The following CNTN3 variants were observed in gnomAD, a reference collection of about 807,000 sequenced individuals.
CNTN3 encodes the protein contactin 3, also known as contactin-3.
In CNTN3, 60 loss-of-function variants were observed where a neutral mutation model predicts 119.1. The observed-to-expected ratio is 0.50, with a 90% CI of 0.41 to 0.62. The LOEUF (loss-of-function observed/expected upper bound fraction) is 0.62, where lower values mean the gene tolerates loss of function less well. Ranked by LOEUF, CNTN3 falls within the 20% of genes least tolerant of loss-of-function variation. The pLI, the probability that CNTN3 is intolerant of heterozygous loss-of-function variation, is 0.00. For missense variants in CNTN3, 1,101 were observed against 1,242.4 expected (o/e 0.89, Z 1.71); for synonymous variants, 450 against 438.7 (o/e 1.03, Z -0.32).
chr3:74,436,445 A>T (rs755366036), intron 4 of CNTN3, among the ~76,000 whole-genome samples: 6 of 152,142 alleles, frequency 3.9e-5, no homozygotes, highest in Admixed American at 1.3e-4. Context: ...TGGCACTCTC[A>T]GTTGTCCAGG....
intron 1 of CNTN3, among the ~76,000 whole-genome samples, chr3:74,581,597 T>C (rs1704510619): frequency 6.6e-6 from 1 of 152,310 alleles, no homozygotes; most frequent in African/African-American, 2.4e-5. Context: ...TCCCAATAGG[T>C]CCTTTGAAGA....
At position 74,326,580 on chromosome 3, in the gene CNTN3, A is replaced by G. The variant is rs1318987966; in HGVS notation, c.1668+8155T>C. On this transcript the variant is annotated intron_variant, in intron 13 of 22. Transcript: ENST00000263665. The stretch of plus-strand genomic sequence containing the variant: ...GTAAGAAAGCTATGAATATCCTCCT[A>G]TCTAGCTGTAAGGAAGCTATTATTT... Among the ~76,000 whole-genome samples the G allele has an allele frequency of 3.3e-5, 5 of 152,092 alleles. No individual in the cohort carries two copies. The East Asian group carries it at 9.7e-4, about 29-fold the overall frequency.
rs547711180 is a variant in CNTN3, at chr3:74,366,707, T to C, written c.947-1005A>G. 7.3e-5 allele frequency among the ~76,000 whole-genome samples: 11 copies of C among 150,058 alleles called. No individual in the cohort carries two copies. The East Asian group carries it at 9.8e-4, about 13-fold the overall frequency. Reference sequence around the variant, plus strand: ...AAACTGAAAAGAAACTATGGTTATTTAGCTTTTACAGATAATGTATTCATC... The same window carrying C: ...AAACTGAAAAGAAACTATGGTTATTCAGCTTTTACAGATAATGTATTCATC... On this transcript the variant is annotated intron_variant, in intron 8 of 22. Transcript: ENST00000263665.
chr3:74,417,627 C>T (rs1029617102), intron 5 of CNTN3, among the ~76,000 whole-genome samples: 1 of 152,140 alleles, frequency 6.6e-6, no homozygotes, highest in African/African-American at 2.4e-5. Context: ...TCACAGCTTC[C>T]ACATTCAGGC....
intron 5 of CNTN3, among the ~76,000 whole-genome samples, chr3:74,389,808 T>A (rs981287199): frequency 2.0e-5 from 3 of 152,088 alleles, no homozygotes; most frequent in Non-Finnish European, 4.4e-5. Flanking sequence ...TGTCCCCTTC[T>A]CCTTCCTAAA....
intron 2 of CNTN3, 126 bp from the exon 3 acceptor site, chr3:74,499,911 A>T: frequency 3.5e-6 from 3 of 850,970 alleles, no homozygotes; most frequent in Non-Finnish European, 5.2e-6. Context: ...TACAAAGCAA[A>T]ATGCTCTGTA....
At chr3:74,427,451 CT>C (rs1364016039) in intron 4 of CNTN3, among the ~76,000 whole-genome samples, 1 of 152,078 alleles carries the variant, frequency 6.6e-6, no homozygotes, top group Non-Finnish European at 1.5e-5. Context: ...GACTTTTCTC[CT>C]TTTTTGCAAC....
At chr3:74,380,579 TG>T (rs1704590204) in intron 5 of CNTN3, among the ~76,000 whole-genome samples, 1 of 152,186 alleles carries the variant, frequency 6.6e-6, no homozygotes, top group Non-Finnish European at 1.5e-5. Flanking sequence ...CCTTGCAAAA[TG>T]GAAATTTTCT....
chr3:74,442,453 T>C (rs1701983724), intron 4 of CNTN3, among the ~76,000 whole-genome samples: 1 of 152,196 alleles, frequency 6.6e-6, no homozygotes, highest in South Asian at 2.1e-4. Context: ...CTTCTTCCTC[T>C]GCTTTCCACC....
At chr3:74,566,219 A>G (rs1471115671) in intron 1 of CNTN3, among the ~76,000 whole-genome samples, 3 of 152,112 alleles carry the variant, frequency 2.0e-5, no homozygotes, top group Admixed American at 6.6e-5. Context: ...TATTCACAAC[A>G]TATGAACAAA....
intron 4 of CNTN3, among the ~76,000 whole-genome samples, chr3:74,476,936 A>G (rs1210645930): frequency 6.6e-6 from 1 of 152,132 alleles, no homozygotes; most frequent in Non-Finnish European, 1.5e-5. Context: ...AAGAGATAGA[A>G]TAGATAACGA....
intron 13 of CNTN3, among the ~76,000 whole-genome samples, chr3:74,309,503 CAT>C (rs1197936239): frequency 1.3e-5 from 2 of 152,094 alleles, no homozygotes; most frequent in Admixed American, 1.3e-4. Context: ...TTGCTAAACC[CAT>C]TAGTTCTCAG....
At chr3:74,338,495 CGTGT>C (rs10661320) in intron 11 of CNTN3, among the ~76,000 whole-genome samples, 1 of 149,312 alleles carries the variant, frequency 6.7e-6, no homozygotes. Context: ...TACACACGTG[CGTGT>C]GTGTGTGTAT....
rs150966297 is a variant in CNTN3, at chr3:74,535,357, A to G, written c.-80-14165T>C. On this transcript the variant is annotated intron_variant, in intron 1 of 22. Coordinates refer to ENST00000263665, the MANE Select transcript of CNTN3 (RefSeq NM_020872.3). ...AGCAGCTTGAATTTACACCCACAGTATCAACTTCAGCTGAGGAAAGATGGG... is the reference window on the plus strand; with the variant it reads ...AGCAGCTTGAATTTACACCCACAGTGTCAACTTCAGCTGAGGAAAGATGGG... Among the ~76,000 whole-genome samples the G allele has an allele frequency of 5.2e-3, 794 of 152,238 alleles. 6 individuals are homozygous for G. The highest frequency in any genetic ancestry group is 7.9e-3 in the Non-Finnish European group (540 of 67,992).
intron 3 of CNTN3, among the ~76,000 whole-genome samples, chr3:74,488,335 G>T (rs192372006): frequency 1.3e-5 from 2 of 151,892 alleles, no homozygotes; most frequent in African/African-American, 4.8e-5. Flanking sequence ...GGATGGTCTC[G>T]ATCTCCTGAC....
intron 2 of CNTN3, among the ~76,000 whole-genome samples, chr3:74,516,730 G>C (rs1293470511): frequency 1.3e-5 from 2 of 150,646 alleles, no homozygotes; most frequent in Non-Finnish European, 2.9e-5. Flanking sequence ...GAAAAATCTT[G>C]AGTTCCTTCA....
At chr3:74,367,015 G>T (rs1704211697) in intron 8 of CNTN3, among the ~76,000 whole-genome samples, 1 of 148,330 alleles carries the variant, frequency 6.7e-6, no homozygotes, top group Non-Finnish European at 1.5e-5. Flanking sequence ...TTCTCCAAAT[G>T]GGAGGATAAT....
chr3:74,454,620 A>T (rs1702230728), intron 4 of CNTN3, among the ~76,000 whole-genome samples: 1 of 151,588 alleles, frequency 6.6e-6, no homozygotes. Context: ...TGGTCTTTAC[A>T]TTTTGGCATG....
intron 4 of CNTN3, among the ~76,000 whole-genome samples, chr3:74,444,120 G>A (rs775222142): frequency 5.3e-5 from 8 of 152,000 alleles, no homozygotes; most frequent in African/African-American, 1.7e-4. Flanking sequence ...GTGTGTCTCC[G>A]GTTTACATGG....
Sources: gnomAD v4.1 joint callset for allele counts (sites outside exome capture counted in the v4.1 genomes callset) on GRCh38, gnomAD v4.1.1 for gene constraint, MANE v1.5 for transcripts, NCBI Gene and HGNC (gene_info 2026-07-23, HGNC 2026-07-21) for gene names.